Variants in MSN observed in about 807,000 individuals in gnomAD.
MSN encodes moesin, also known as epididymis luminal protein 70.
A neutral mutation model predicts 48.0 loss-of-function variants in MSN; 2 were observed. The ratio of observed to expected loss-of-function variants is 0.04; its 90% CI spans 0.02 to 0.13. The LOEUF (loss-of-function observed/expected upper bound fraction) is 0.13, where lower values mean the gene tolerates loss of function less well. Ranked by LOEUF, MSN falls within the 10% of genes least tolerant of loss-of-function variation. MSN has a pLI of 1.00. For missense variants in MSN, 267 were observed against 470.1 expected, an observed-to-expected ratio of 0.57 and a Z score of 3.99; for synonymous variants, 146 against 166.9, an observed-to-expected ratio of 0.87 and a Z score of 0.97.
Position 65,650,423 on chromosome X carries a change from T to C in MSN, c.-22+61811T>C, listed in dbSNP as rs949022548. ...CCTTTTCTGAGAAATAAAAGATGTA[T>C]GTGTTCTCAGGCTTCCAGCTTCTCT... is the stretch of plus-strand genomic sequence containing the variant. On this transcript the variant is annotated intron_variant, in intron 1 of 3. Coordinates refer to the MSN transcript ENST00000609672. Among the ~76,000 whole-genome samples the C allele has an allele frequency of 2.7e-5, 3 of 112,244 alleles. No individual in the cohort carries two copies. In the Admixed American group the frequency reaches 2.8e-4, roughly 11 times the overall value.
chrX:65,608,589 T>C (rs1047202633), intron 1 of MSN, among the ~76,000 whole-genome samples: 2 of 110,358 alleles, frequency 1.8e-5, no homozygotes, highest in East Asian at 5.7e-4. Flanking sequence ...ATCGGGGAGA[T>C]TTTATATGTG....
intron 1 of MSN, among the ~76,000 whole-genome samples, chrX:65,709,322 G>A (rs1288133292): frequency 8.9e-6 from 1 of 112,157 alleles, no homozygotes; most frequent in Non-Finnish European, 1.9e-5. Context: ...ACAGGAATGG[G>A]AATTCTTTTG....
chrX:65,649,522 G>A (rs2148374021), intron 1 of MSN, among the ~76,000 whole-genome samples: 1 of 101,833 alleles, frequency 9.8e-6, no homozygotes, highest in Admixed American at 1.1e-4. Flanking sequence ...GTTGCAGTGA[G>A]CCGAGATCAT....
intron 1 of MSN, among the ~76,000 whole-genome samples, chrX:65,634,171 A>G (rs1320167623): frequency 8.9e-6 from 1 of 112,405 alleles, no homozygotes; most frequent in African/African-American, 3.2e-5. Flanking sequence ...CCATTGAAAC[A>G]GGCCCAGGAG....
chrX:65,699,358 C>T (rs1391534855), intron 1 of MSN, among the ~76,000 whole-genome samples: 2 of 111,634 alleles, frequency 1.8e-5, no homozygotes, highest in South Asian at 3.7e-4. Flanking sequence ...CTGTTCCCAC[C>T]CTGTGTTACC....
intron 1 of MSN, among the ~76,000 whole-genome samples, chrX:65,697,344 G>A (rs1467295489): frequency 2.7e-5 from 3 of 111,710 alleles, no homozygotes; most frequent in African/African-American, 6.5e-5. Flanking sequence ...AACTTCTTAC[G>A]TGAGTAAGGA....
intron 1 of MSN, among the ~76,000 whole-genome samples, chrX:65,652,928 A>G (rs2070752928): frequency 8.9e-6 from 1 of 112,023 alleles, no homozygotes; most frequent in Admixed American, 9.5e-5. Flanking sequence ...ATGAAGGACC[A>G]TGCTCTAAGA....
chrX:65,690,856 G>A lies in MSN; in HGVS notation c.12+23003G>A, dbSNP rs149958126. ...TCCTTTCAGAGTGGATCAAGCTCTC[G>A]CGCATATTGGGGCACACTGTATCAC... On this transcript the variant is annotated intron_variant, in intron 1 of 12. Coordinates refer to ENST00000360270, the MANE Select transcript of MSN (RefSeq NM_002444.3). 1.7e-3 allele frequency among the ~76,000 whole-genome samples: 188 copies of A among 111,708 alleles called. 2 individuals are homozygous for A. The East Asian group carries it at 0.035, about 21-fold the overall frequency.
At chrX:65,654,847 T>C (rs975122930) in intron 1 of MSN, among the ~76,000 whole-genome samples, 5 of 111,676 alleles carry the variant, frequency 4.5e-5, no homozygotes, top group Non-Finnish European at 9.4e-5. Context: ...CAGTCACCTA[T>C]GACTGTTTTT....
chrX:65,659,657 C>G (rs1339478042), intron 1 of MSN, among the ~76,000 whole-genome samples: 2 of 111,534 alleles, frequency 1.8e-5, no homozygotes, highest in African/African-American at 3.3e-5. Flanking sequence ...TCCTTGGACT[C>G]CAGCTCCAGA....
At chrX:65,621,035 C>T (rs914377105) in intron 1 of MSN, among the ~76,000 whole-genome samples, 4 of 109,730 alleles carry the variant, frequency 3.6e-5, no homozygotes, top group African/African-American at 6.7e-5. Flanking sequence ...AAGCCATTAT[C>T]CTCCTGAGTA....
intron 1 of MSN, among the ~76,000 whole-genome samples, chrX:65,642,932 T>C (rs750837226): frequency 7.7e-4 from 85 of 110,736 alleles, no homozygotes; most frequent in Non-Finnish European, 1.3e-3. Context: ...TCAGCTTAGC[T>C]TCCCACCCCT....
intron 1 of MSN, among the ~76,000 whole-genome samples, chrX:65,702,444 T>C (rs2071315929): frequency 9.6e-6 from 1 of 104,490 alleles, no homozygotes; most frequent in Non-Finnish European, 2.0e-5. Flanking sequence ...GGCGGTCGAA[T>C]CACTTAAGGC....
chrX:65,623,180 C>A (rs1354660382), intron 1 of MSN, among the ~76,000 whole-genome samples: 2 of 109,492 alleles, frequency 1.8e-5, no homozygotes, highest in African/African-American at 6.8e-5. Flanking sequence ...GGACCTTTGC[C>A]TCTAAATTCA....
intron 1 of MSN, among the ~76,000 whole-genome samples, chrX:65,660,333 T>C (rs1253965238): frequency 8.9e-6 from 1 of 112,213 alleles, no homozygotes; most frequent in Non-Finnish European, 1.9e-5. Context: ...GTACATTGAC[T>C]TTGTATTCTA....
intron 1 of MSN, among the ~76,000 whole-genome samples, chrX:65,713,529 G>A (rs2071433652): frequency 8.9e-6 from 1 of 112,204 alleles, no homozygotes; most frequent in Non-Finnish European, 1.9e-5. Flanking sequence ...GCACAGGTAA[G>A]GGAAACTAAG....
At chrX:65,720,206 A>G (rs758279302) in intron 2 of MSN, among the ~76,000 whole-genome samples, 12 of 112,336 alleles carry the variant, frequency 1.1e-4, no homozygotes, top group Admixed American at 1.0e-3. Flanking sequence ...GTGAAAGAAC[A>G]TACTCTAGGT....
At chrX:65,669,267 G>A (rs1348054534) in intron 1 of MSN, among the ~76,000 whole-genome samples, 1 of 111,009 alleles carries the variant, frequency 9.0e-6, no homozygotes, top group African/African-American at 3.3e-5. Context: ...GCCAAAACAA[G>A]ATTATAAAGA....
At chrX:65,631,218 C>T (rs1050620563) in intron 1 of MSN, among the ~76,000 whole-genome samples, 2 of 109,721 alleles carry the variant, frequency 1.8e-5, no homozygotes, top group African/African-American at 3.3e-5. Flanking sequence ...GCCTCAGCTT[C>T]GAGTAGCTGG....
Sources: allele counts gnomAD v4.1 joint callset (sites outside exome capture counted in the v4.1 genomes callset), GRCh38; gene constraint gnomAD v4.1.1; transcripts MANE v1.5; gene names NCBI Gene and HGNC (gene_info 2026-07-23, HGNC 2026-07-21).